GPR143: variants seen among roughly 807,000 people sequenced by gnomAD.
The protein encoded by GPR143 is G-protein coupled receptor 143.
Under a neutral mutation model 27.6 loss-of-function variants are expected in GPR143, and 8 were observed. That is an observed-to-expected ratio of 0.29 (90% CI 0.17 to 0.52). The LOEUF (loss-of-function observed/expected upper bound fraction) is 0.52, where lower values mean the gene tolerates loss of function less well. GPR143 is among the 20% of genes least tolerant of loss of function. The pLI, the probability that GPR143 is intolerant of heterozygous loss-of-function variation, is 0.96. For synonymous variants in GPR143, 156 were observed against 153.2 expected (o/e 1.02, Z -0.13); for missense variants, 303 against 343.1 (o/e 0.88, Z 0.92).
chrX:9,750,414 G>T (rs986470458), intron 3 of GPR143, among the ~76,000 whole-genome samples: 13 of 106,535 alleles, frequency 1.2e-4, no homozygotes, highest in African/African-American at 3.9e-4. Flanking sequence ...TTACTATGTT[G>T]CCCAGGCTGG....
chrX:9,765,889 G>A (rs1389712802), upstream of GPR143: 1 of 968,446 alleles, frequency 1.0e-6, no homozygotes, highest in Non-Finnish European at 1.3e-6. Flanking sequence ...TGCTGGGCGG[G>A]CTGGGGGCGG....
At chrX:9,738,915 C>A in intron 8 of GPR143, among the ~76,000 whole-genome samples, 1 of 112,165 alleles carries the variant, frequency 8.9e-6, no homozygotes, top group Non-Finnish European at 1.9e-5. Context: ...TGAGCCTCCA[C>A]ACCCAGCTAT....
intron 8 of GPR143, among the ~76,000 whole-genome samples, chrX:9,726,828 TTTG>T (rs1164327760): frequency 8.9e-6 from 1 of 112,781 alleles, no homozygotes; most frequent in Non-Finnish European, 1.9e-5. Flanking sequence ...GTTTTCTTTA[TTTG>T]TTAATCAATC....
At chrX:9,761,370 C>T (rs778649595) in intron 1 of GPR143, among the ~76,000 whole-genome samples, 89 of 112,508 alleles carry the variant, frequency 7.9e-4, no homozygotes, top group Non-Finnish European at 1.6e-3. Context: ...GGATGACAGG[C>T]GTGAGCCACC....
At chrX:9,730,672 G>C (rs61709019) in intron 8 of GPR143, among the ~76,000 whole-genome samples, 56 of 112,077 alleles carry the variant, frequency 5.0e-4, no homozygotes, top group African/African-American at 1.8e-3. Flanking sequence ...ATTGGGAGGT[G>C]GCTGGTCTAA....
At chrX:9,761,530 C>T (rs1429888509) in intron 1 of GPR143, among the ~76,000 whole-genome samples, 1 of 112,558 alleles carries the variant, frequency 8.9e-6, no homozygotes, top group Admixed American at 9.4e-5. Context: ...GATTTCTCGG[C>T]TGCATTTTCA....
intron 3 of GPR143, 59 bp downstream of exon 3, chrX:9,759,273 T>A: frequency 1.4e-6 from 1 of 715,259 alleles, no homozygotes; most frequent in Non-Finnish European, 2.2e-6. Context: ...CTCAGTGCCA[T>A]CTCTTATCTT....
chrX:9,761,796 G>A lies in GPR143; in HGVS notation c.251-970C>T, dbSNP rs776509487. ...TTCTTTGTTAGGTAATGCAATATCC[G>A]TTGTTTAAAAGTACACTAGGGTCTG... is the stretch of plus-strand genomic sequence containing the variant. On this transcript the variant is annotated intron_variant, in intron 1 of 8. Coordinates refer to ENST00000467482, the MANE Select transcript of GPR143 (RefSeq NM_000273.3). Among the ~76,000 whole-genome samples the A allele has an allele frequency of 2.8e-3, 316 of 112,816 alleles. 2 individuals carry two copies. The highest frequency in any genetic ancestry group is 2.8e-3 in the Non-Finnish European group (151 of 53,369).
Position 9,759,435 on chromosome X carries a change from G to C in GPR143, c.361-9C>G. 1 of 1,134,825 alleles carries C rather than the reference G, an allele frequency of 8.8e-7. No individual in the cohort carries two copies. The allele number at this position is 1,134,825 out of a possible 1,213,427, so 93.5% of individuals were successfully genotyped here. ...AACAGCTGGATCCACATCTGCAATC[G>C]GGAAGAGCCTGCATCAAAATGTCTG... is the stretch of plus-strand genomic sequence containing the variant. On this transcript the variant is annotated splice_polypyrimidine_tract_variant and intron_variant, in intron 2 of 8. Coordinates refer to ENST00000467482, the MANE Select transcript of GPR143 (RefSeq NM_000273.3).
chrX:9,765,157 C>T (rs1236718363), intron 1 of GPR143, among the ~76,000 whole-genome samples: 2 of 112,786 alleles, frequency 1.8e-5, no homozygotes, highest in Non-Finnish European at 3.8e-5. Context: ...ACCCGGGCAC[C>T]GATCAAGTTC....
chrX:9,776,862 G>A (rs1429850618), intron 1 of GPR143, among the ~76,000 whole-genome samples: 3 of 111,302 alleles, frequency 2.7e-5, no homozygotes, highest in Non-Finnish European at 1.9e-5. Flanking sequence ...ACACCACCAT[G>A]CCTGGCTAAT....
chrX:9,760,975 G>A, intron 1 of GPR143, 149 bp from the exon 2 acceptor site: 2 of 434,760 alleles, frequency 4.6e-6, no homozygotes, highest in East Asian at 3.9e-5. Context: ...GGGAGAGAGG[G>A]AGGGAAAAAG....
chrX:9,760,909 C>T, intron 1 of GPR143, 83 bp from the exon 2 acceptor site: 2 of 454,971 alleles, frequency 4.4e-6, no homozygotes, highest in Admixed American at 6.0e-5. Context: ...ATGATAGATA[C>T]ATAATAGATA....
chrX:9,747,009 TAAAAA>T (rs56761188), intron 4 of GPR143, among the ~76,000 whole-genome samples: 1 of 37,633 alleles, frequency 2.7e-5, no homozygotes, highest in Non-Finnish European at 5.3e-5. Flanking sequence ...GCAGAAAATG[TAAAAA>T]AAAAAAAAAA....
At chrX:9,755,292 C>T (rs1268756931) in intron 3 of GPR143, among the ~76,000 whole-genome samples, 1 of 111,298 alleles carries the variant, frequency 9.0e-6, no homozygotes, top group Non-Finnish European at 1.9e-5. Context: ...GTGGCAGGCA[C>T]CTGTAATCCC....
rs183048510 is a variant in GPR143 at position 9,762,413 on chromosome X, A to G, written c.251-1587T>C. On this transcript the variant is annotated intron_variant, in intron 1 of 8. Transcript: ENST00000467482. The stretch of plus-strand genomic sequence containing the variant: ...TGAGAAAAAAAAAAGTATGCTAGGT[A>G]ATATAAAGGGGAGAACTGTAAACAA... 2.3e-3 allele frequency among the ~76,000 whole-genome samples: 258 copies of G among 111,187 alleles called. 1 individual carries two copies. Among genetic ancestry groups the G allele is most frequent in the African/African-American group, 8.2e-3 (252 of 30,635 alleles).
At chrX:9,745,997 G>A (rs1250790457) in intron 5 of GPR143, 47 bp downstream of exon 5, 1 of 773,712 alleles carries the variant, frequency 1.3e-6, no homozygotes, top group African/African-American at 2.0e-5. Flanking sequence ...CGAGGCATGG[G>A]GCCGCTCCCA....
chrX:9,726,181 G>A (rs961836608), intron 8 of GPR143, among the ~76,000 whole-genome samples: 1 of 110,416 alleles, frequency 9.1e-6, no homozygotes, highest in Non-Finnish European at 1.9e-5. Flanking sequence ...CCCAGGACAC[G>A]TGCTGTCTGA....
In GPR143 at chrX:9,778,046, G is replaced by A. The variant is rs184511912; in HGVS notation, c.-3+8196C>T. 1.8e-3 allele frequency among the ~76,000 whole-genome samples: 195 copies of A among 110,486 alleles called. 2 individuals are homozygous for A. Among genetic ancestry groups the A allele is most frequent in the African/African-American group, 6.0e-3 (183 of 30,368 alleles). On this transcript the variant is annotated intron_variant, in intron 1 of 7. Transcript: ENST00000447366. Reference sequence around the variant, plus strand: ...GCGGAGCTCACAGTGAGCTGAGATCGCGCCACTGCACTCCAGCCTGGGCGA... The same window carrying A: ...GCGGAGCTCACAGTGAGCTGAGATCACGCCACTGCACTCCAGCCTGGGCGA...
Sources: gnomAD v4.1 joint callset for allele counts (sites outside exome capture counted in the v4.1 genomes callset) on GRCh38, gnomAD v4.1.1 for gene constraint, MANE v1.5 for transcripts, NCBI Gene and HGNC (gene_info 2026-07-23, HGNC 2026-07-21) for gene names.